Variants in SBF2 observed in about 807,000 individuals in gnomAD.
SBF2 encodes the protein SET binding factor 2.
A neutral mutation model predicts 225.2 loss-of-function variants in SBF2; 112 were observed. That is an observed-to-expected ratio of 0.50 (90% CI 0.43 to 0.58). SBF2 has a LOEUF of 0.58. SBF2 is among the 20% of genes least tolerant of loss of function. The probability of loss-of-function intolerance (pLI) is 0.00; values close to 1 mark genes in which losing one functional copy is unlikely to be tolerated. For missense variants in SBF2, 1,996 were observed against 2,206.2 expected, an observed-to-expected ratio of 0.90 and a Z score of 1.91; for synonymous variants, 763 against 773.3, an observed-to-expected ratio of 0.99 and a Z score of 0.22.
At chr11:10,217,414 A>T (rs1958171161) in intron 1 of SBF2, among the ~76,000 whole-genome samples, 1 of 152,214 alleles carries the variant, frequency 6.6e-6, no homozygotes, top group East Asian at 1.9e-4. Flanking sequence ...TACAAAAAAC[A>T]AAAACAAAAC....
intron 6 of SBF2, among the ~76,000 whole-genome samples, chr11:10,007,861 T>C (rs1948265812): frequency 6.6e-6 from 1 of 152,224 alleles, no homozygotes; most frequent in Admixed American, 6.5e-5. Flanking sequence ...CCATTCACTA[T>C]GTAAGGCCTG....
chr11:9,851,192 A>C (rs1386160532), intron 21 of SBF2, among the ~76,000 whole-genome samples: 2 of 152,030 alleles, frequency 1.3e-5, no homozygotes, highest in African/African-American at 4.8e-5. Context: ...TAGTTAAAAA[A>C]GCAAGTTAGA....
At chr11:10,281,735 A>C (rs1477147580) in intron 1 of SBF2, among the ~76,000 whole-genome samples, 1 of 149,982 alleles carries the variant, frequency 6.7e-6, no homozygotes, top group African/African-American at 2.5e-5. Flanking sequence ...CTTTGTACCC[A>C]GTCCCTACCT....
intron 1 of SBF2, among the ~76,000 whole-genome samples, chr11:10,243,006 T>A (rs557050199): frequency 4.6e-5 from 7 of 152,020 alleles, no homozygotes; most frequent in Non-Finnish European, 8.8e-5. Context: ...TATAAAACAT[T>A]CCACCCAAAA....
chr11:10,089,260 T>C (rs1382882779), intron 2 of SBF2, among the ~76,000 whole-genome samples: 1 of 152,308 alleles, frequency 6.6e-6, no homozygotes, highest in East Asian at 1.9e-4. Flanking sequence ...TATATACACC[T>C]TGAGGTACAG....
chr11:9,899,136 G>C (rs1861512994), intron 16 of SBF2, among the ~76,000 whole-genome samples: 1 of 151,840 alleles, frequency 6.6e-6, no homozygotes, highest in South Asian at 2.1e-4. Flanking sequence ...TTAGAGAACA[G>C]GTGAGTAGAA....
intron 17 of SBF2, among the ~76,000 whole-genome samples, chr11:9,881,199 G>A (rs1859736490): frequency 6.6e-6 from 1 of 152,184 alleles, no homozygotes; most frequent in Non-Finnish European, 1.5e-5. Flanking sequence ...TGAACCGAAT[G>A]AGTGATTAAA....
At chr11:9,816,119 A>G (rs1157969568) in intron 29 of SBF2, among the ~76,000 whole-genome samples, 1 of 152,232 alleles carries the variant, frequency 6.6e-6, no homozygotes, top group East Asian at 1.9e-4. Context: ...ACCTACTGGT[A>G]GTAATGAAAT....
intron 9 of SBF2, among the ~76,000 whole-genome samples, chr11:9,997,668 C>G (rs926178692): frequency 6.6e-6 from 1 of 152,168 alleles, no homozygotes; most frequent in African/African-American, 2.4e-5. Context: ...GTCCCAGCTA[C>G]TCGGGAGGCT....
chr11:10,130,936 TA>T (rs1299759751), intron 2 of SBF2, among the ~76,000 whole-genome samples: 1 of 152,194 alleles, frequency 6.6e-6, no homozygotes, highest in Non-Finnish European at 1.5e-5. Flanking sequence ...TAATCACTCC[TA>T]CTATTGTAGG....
At chr11:9,982,103 A>G in intron 13 of SBF2, among the ~76,000 whole-genome samples, 1 of 152,142 alleles carries the variant, frequency 6.6e-6, no homozygotes, top group Non-Finnish European at 1.5e-5. Flanking sequence ...AACTTACTGC[A>G]TTTCCTCTAT....
intron 17 of SBF2, among the ~76,000 whole-genome samples, chr11:9,861,392 A>G (rs910098129): frequency 6.6e-6 from 1 of 152,194 alleles, no homozygotes; most frequent in Admixed American, 6.5e-5. Flanking sequence ...GGCCAGGCAC[A>G]GTGGCTCACG....
chr11:10,160,239 G>T (rs1022997994), intron 2 of SBF2, among the ~76,000 whole-genome samples: 1 of 150,142 alleles, frequency 6.7e-6, no homozygotes, highest in Non-Finnish European at 1.5e-5. Flanking sequence ...AACATGTGTT[G>T]GTAAAAAAAA....
chr11:10,179,366 CAAAAAACAAAAACA>C (rs1441243054), intron 2 of SBF2, among the ~76,000 whole-genome samples: 2 of 119,424 alleles, frequency 1.7e-5, no homozygotes, highest in Non-Finnish European at 3.8e-5. Flanking sequence ...AAAAAACAAA[CAAAAAACAAAAACA>C]AAAAAACAAA....
chr11:10,053,307 A>T (rs1001917111), intron 2 of SBF2, among the ~76,000 whole-genome samples: 2 of 152,180 alleles, frequency 1.3e-5, no homozygotes, highest in Non-Finnish European at 2.9e-5. Context: ...GGGAAATAGA[A>T]CTGGTTTTCT....
chr11:9,976,861 C>T (rs1257681897), intron 13 of SBF2, among the ~76,000 whole-genome samples: 3 of 151,804 alleles, frequency 2.0e-5, no homozygotes, highest in Non-Finnish European at 4.4e-5. Context: ...CTCCACCTCC[C>T]GGGTTCACGC....
intron 1 of SBF2, among the ~76,000 whole-genome samples, chr11:10,229,921 T>C (rs1376593875): frequency 6.6e-6 from 1 of 152,214 alleles, no homozygotes; most frequent in African/African-American, 2.4e-5. Flanking sequence ...GATGTTAAAG[T>C]CTCCCATTAT....
In SBF2 at chr11:10,223,420, T is replaced by C. The variant is rs1325684534; in HGVS notation, c.56-29433A>G. 2.6e-5 allele frequency among the ~76,000 whole-genome samples: 3 copies of C among 114,164 alleles called. No individual in the cohort carries two copies. The East Asian group carries it at 6.7e-4, about 26-fold the overall frequency. 74.9% of individuals were successfully genotyped at this position (114,164 alleles called of 152,430 possible). ...CACATTATATATATATATATATATATATATATATATATATATATATATAGT... is the reference window on the plus strand; with the variant it reads ...CACATTATATATATATATATATATACATATATATATATATATATATATAGT... On this transcript the variant is annotated intron_variant, in intron 1 of 39. Transcript: ENST00000256190.
chr11:10,033,494 T>C (rs1347072511), intron 3 of SBF2, among the ~76,000 whole-genome samples: 3 of 152,094 alleles, frequency 2.0e-5, no homozygotes, highest in African/African-American at 7.2e-5. Flanking sequence ...TAATTTTAAT[T>C]TATATCACTT....
Sources: gnomAD v4.1 joint callset for allele counts (sites outside exome capture counted in the v4.1 genomes callset) on GRCh38, gnomAD v4.1.1 for gene constraint, MANE v1.5 for transcripts, NCBI Gene and HGNC (gene_info 2026-07-23, HGNC 2026-07-21) for gene names.